FBXO25: variants seen among roughly 807,000 people sequenced by gnomAD.
FBXO25 encodes the protein F-box only protein 25.
A neutral mutation model predicts 51.9 loss-of-function variants in FBXO25; 45 were observed. That is an observed-to-expected ratio of 0.87 (90% CI 0.68 to 1.11). The LOEUF (loss-of-function observed/expected upper bound fraction) is 1.11. Ranked by LOEUF, FBXO25 falls within the 50% of genes most tolerant of loss-of-function variation. The pLI, the probability that FBXO25 is intolerant of heterozygous loss-of-function variation, is 0.00. For missense variants in FBXO25, 507 were observed against 428.5 expected (o/e 1.18, Z -1.62); for synonymous variants, 199 against 151.0 (o/e 1.32, Z -2.33).
intron 5 of FBXO25, among the ~76,000 whole-genome samples, chr8:436,934 G>A (rs1798139543): frequency 6.6e-6 from 1 of 152,144 alleles, no homozygotes; most frequent in Admixed American, 6.5e-5. Flanking sequence ...TTCTGTGCTG[G>A]GTGCCCTGCT....
intron 7 of FBXO25, among the ~76,000 whole-genome samples, chr8:452,313 T>G (rs1234920730): frequency 1.3e-5 from 2 of 152,254 alleles, no homozygotes; most frequent in East Asian, 3.8e-4. Context: ...TAAGCAAGTT[T>G]GTTATAAACG....
At position 476,821 on chromosome 8, in the gene FBXO25, TATA is replaced by T. The variant is rs1027095576; in HGVS notation, c.*8020_*8022del. 7.0e-6 allele frequency: 1 copy of T among 142,204 alleles called. No homozygotes were observed. Among genetic ancestry groups the T allele is most frequent in the Non-Finnish European group, 1.5e-5 (1 of 66,624 alleles). 8.8% of individuals were successfully genotyped at this position (142,204 alleles called of 1,614,324 possible). A position where few individuals can be genotyped will look rare whatever the true frequency, so the allele number is the denominator to read the frequency against. ...TCTCTGCTCTAATCTTTATTATTATTATAATCATCTCCATTCTGCTGGCTTTGG... is the reference window on the plus strand; with the variant it reads ...TCTCTGCTCTAATCTTTATTATTATTATCATCTCCATTCTGCTGGCTTTGG... On this transcript the variant is annotated 3_prime_UTR_variant, in exon 10 of 10. Coordinates refer to ENST00000350302, the MANE Select transcript of FBXO25 (RefSeq NM_183420.2).
In FBXO25 at chr8:451,329, C is replaced by G. The variant is rs763639285; in HGVS notation, c.536C>G (p.Thr179Ser). The G allele has an allele frequency of 3.1e-6, 5 of 1,613,868 alleles. No homozygotes were observed. The South Asian group carries it at 4.4e-5, about 14-fold the overall frequency. ...IKDLLQDLSS[T>S]LCILIRGVGK... is the part of the protein sequence containing the mutation. ...GATCTTCTGCAAGACCTAAGCTCTA[C>G]CCTCTGCATTCTTATTAGAGGAGTA... is the stretch of plus-strand genomic sequence containing the variant. Residue 179 changes from threonine to serine, a missense_variant, in exon 7 of 10, where the codon ACC (threonine) becomes AGC (serine). Physicochemically the swap from Thr to Ser is moderately conservative, Grantham distance 58. Coordinates refer to ENST00000350302, the MANE Select transcript of FBXO25 (RefSeq NM_183420.2).
intron 7 of FBXO25, among the ~76,000 whole-genome samples, chr8:455,647 G>C (rs892330690): frequency 6.6e-6 from 1 of 152,204 alleles, no homozygotes; most frequent in Non-Finnish European, 1.5e-5. Flanking sequence ...TGCTTCCACA[G>C]AGAAGTGGGA....
rs775585485 is a variant in FBXO25, at chr8:408,681, TG to T, written c.-8+1616del. Among the ~76,000 whole-genome samples the T allele has an allele frequency of 2.0e-5, 3 of 152,364 alleles. No homozygotes were observed. In the East Asian group the frequency reaches 5.8e-4, roughly 29 times the overall value. ...TTGTTGAAGGAAAGACATTTTTTTT[TG>T]TTCTGAGTCTCTCATGCCAAGAGTT... On this transcript the variant is annotated intron_variant, in intron 1 of 9. Transcript: ENST00000350302.
At chr8:407,655 C>T (rs1796242885) in intron 1 of FBXO25, among the ~76,000 whole-genome samples, 1 of 152,066 alleles carries the variant, frequency 6.6e-6, no homozygotes. Context: ...CCTCCGGGCT[C>T]GGTCCTTGCC....
chr8:424,545 T>C (rs546433189), intron 2 of FBXO25, among the ~76,000 whole-genome samples: 72 of 152,224 alleles, frequency 4.7e-4, no homozygotes, highest in Non-Finnish European at 8.5e-4. Context: ...TTGTATATGC[T>C]GAAAGGTAGG....
rs1407868999 is a variant in FBXO25, at chr8:471,027, C to T, written c.*2223C>T. 1.3e-5 allele frequency: 2 copies of T among 152,154 alleles called. No individual in the cohort carries two copies. The highest frequency in any genetic ancestry group is 3.9e-4 in the East Asian group (2 of 5,190). The allele number at this position is 152,154 out of a possible 1,614,324, so 9.4% of individuals were successfully genotyped here. A position where few individuals can be genotyped will look rare whatever the true frequency, so the allele number is the denominator to read the frequency against. ...TTAATTGTTAGATGTTATAACAGTTCTCAGCTGTGCTATCAAATCACAGAT... is the reference window on the plus strand; with the variant it reads ...TTAATTGTTAGATGTTATAACAGTTTTCAGCTGTGCTATCAAATCACAGAT... On this transcript the variant is annotated 3_prime_UTR_variant, in exon 10 of 10. Transcript: ENST00000350302.
At chr8:426,759 C>T (rs1170411426) in intron 2 of FBXO25, among the ~76,000 whole-genome samples, 3 of 149,604 alleles carry the variant, frequency 2.0e-5, no homozygotes, top group African/African-American at 7.3e-5. Context: ...GTGCACAGTG[C>T]AGTTGCTTCT....
intron 1 of FBXO25, among the ~76,000 whole-genome samples, chr8:411,213 G>T (rs1465580671): frequency 6.6e-6 from 1 of 152,122 alleles, no homozygotes; most frequent in African/African-American, 2.4e-5. Flanking sequence ...GAGTAATTCA[G>T]CTACCTTTCT....
intron 2 of FBXO25, among the ~76,000 whole-genome samples, chr8:419,678 C>T (rs1187130600): frequency 1.3e-5 from 2 of 152,044 alleles, no homozygotes; most frequent in African/African-American, 2.4e-5. Context: ...GGATCATATA[C>T]CTAAATGTAG....
chr8:444,559 G>GA (rs760600510), intron 5 of FBXO25, among the ~76,000 whole-genome samples: 22 of 151,670 alleles, frequency 1.5e-4, no homozygotes, highest in Non-Finnish European at 2.9e-4. Context: ...ATTGATGTGT[G>GA]AAAAAAAATA....
intron 2 of FBXO25, among the ~76,000 whole-genome samples, chr8:419,848 C>T (rs534315902): frequency 1.8e-3 from 270 of 152,142 alleles, no homozygotes; most frequent in Non-Finnish European, 3.3e-3. Flanking sequence ...TCTCAGAGAA[C>T]ACATTTGTAA....
At chr8:446,492 A>G (rs1474116073) in intron 5 of FBXO25, among the ~76,000 whole-genome samples, 1 of 152,158 alleles carries the variant, frequency 6.6e-6, no homozygotes, top group Non-Finnish European at 1.5e-5. Flanking sequence ...TGTTGTGTGA[A>G]TCTGAATCGC....
intron 5 of FBXO25, among the ~76,000 whole-genome samples, chr8:448,562 C>CTT (rs369606275): frequency 6.6e-6 from 1 of 152,368 alleles, no homozygotes; most frequent in African/African-American, 2.4e-5. Flanking sequence ...TCAGGGAATA[C>CTT]TTACTGTTCT....
At chr8:413,880 A>G (rs1288728203) in intron 2 of FBXO25, among the ~76,000 whole-genome samples, 2 of 152,190 alleles carry the variant, frequency 1.3e-5, no homozygotes, top group Non-Finnish European at 2.9e-5. Context: ...TAAAAACCAG[A>G]GACTGCATGA....
chr8:459,218 G>A lies in FBXO25; in HGVS notation c.843+667G>A, dbSNP rs903822845. Among the ~76,000 whole-genome samples the A allele has an allele frequency of 3.3e-5, 5 of 152,360 alleles. No individual in the cohort carries two copies. In the South Asian group the frequency reaches 1.0e-3, roughly 32 times the overall value. Reference sequence around the variant, plus strand: ...TGGTCGCAGCCAGAGAAGGCAGGTGGCTGGAGGGAGGCATGTTGTGCTCCT... The same window carrying A: ...TGGTCGCAGCCAGAGAAGGCAGGTGACTGGAGGGAGGCATGTTGTGCTCCT... On this transcript the variant is annotated intron_variant, in intron 8 of 9. Coordinates refer to ENST00000350302, the MANE Select transcript of FBXO25 (RefSeq NM_183420.2).
rs1002164504 is a variant in FBXO25, at chr8:474,543, C to T, written c.*5739C>T. ...AGGTTCCAGTTTTGCCACATCCTTGCCAACACCTGTTTTTAATAATTGCCA... is the reference window on the plus strand; with the variant it reads ...AGGTTCCAGTTTTGCCACATCCTTGTCAACACCTGTTTTTAATAATTGCCA... On this transcript the variant is annotated 3_prime_UTR_variant, in exon 10 of 10. Transcript: ENST00000350302. The T allele has an allele frequency of 2.9e-6, 1 of 348,298 alleles. No individual in the cohort carries two copies. The highest frequency in any genetic ancestry group is 5.5e-6 in the Non-Finnish European group (1 of 181,092). The allele number at this position is 348,298 out of a possible 1,614,324, so 21.6% of individuals were successfully genotyped here. A position where few individuals can be genotyped will look rare whatever the true frequency, so the allele number is the denominator to read the frequency against.
At chr8:459,803 T>C (rs908100281) in intron 8 of FBXO25, among the ~76,000 whole-genome samples, 3 of 151,850 alleles carry the variant, frequency 2.0e-5, no homozygotes, top group African/African-American at 7.3e-5. Context: ...AACCCCAATG[T>C]TGAGGGATAG....
Sources: allele counts gnomAD v4.1 joint callset (sites outside exome capture counted in the v4.1 genomes callset), GRCh38; gene constraint gnomAD v4.1.1; transcripts MANE v1.5; gene names NCBI Gene and HGNC (gene_info 2026-07-23, HGNC 2026-07-21).